MCTP1: variants seen among roughly 807,000 people sequenced by gnomAD.
MCTP1 encodes multiple C2 and transmembrane domain-containing protein 1.
Under a neutral mutation model 120.6 loss-of-function variants are expected in MCTP1, and 69 were observed. The observed-to-expected ratio is 0.57, with a 90% CI of 0.47 to 0.70. The LOEUF is 0.70. MCTP1 is among the 30% of genes least tolerant of loss of function. The probability of loss-of-function intolerance (pLI) is 0.00; values close to 1 mark genes in which losing one functional copy is unlikely to be tolerated. For synonymous variants in MCTP1, 529 were observed against 493.1 expected (o/e 1.07, Z -0.96); for missense variants, 1,203 against 1,248.8 (o/e 0.96, Z 0.55).
chr5:94,734,667 G>C (rs973640956), intron 19 of MCTP1, among the ~76,000 whole-genome samples: 1 of 152,184 alleles, frequency 6.6e-6, no homozygotes, highest in African/African-American at 2.4e-5. Flanking sequence ...ATTTTGTCCA[G>C]GTAGGTCTTA....
At chr5:94,763,812 G>T (rs1771906695) in intron 19 of MCTP1, among the ~76,000 whole-genome samples, 1 of 151,784 alleles carries the variant, frequency 6.6e-6, no homozygotes, top group African/African-American at 2.4e-5. Flanking sequence ...AACTTTGAAA[G>T]AAAAAAAATT....
chr5:94,979,728 A>T (rs1485825372), intron 2 of MCTP1: 2 of 152,116 alleles, frequency 1.3e-5, no homozygotes, highest in Non-Finnish European at 2.9e-5. Flanking sequence ...GATAGAAAAA[A>T]AACACTAGGG....
chr5:95,129,871 G>GA (rs1758913044), intron 1 of MCTP1, among the ~76,000 whole-genome samples: 1 of 152,106 alleles, frequency 6.6e-6, no homozygotes, highest in African/African-American at 2.4e-5. Context: ...GTGTTGGCCA[G>GA]ACTGGTCTCG....
At chr5:95,268,375 T>C (rs879209083) in intron 1 of MCTP1, among the ~76,000 whole-genome samples, 1 of 152,198 alleles carries the variant, frequency 6.6e-6, no homozygotes, top group Non-Finnish European at 1.5e-5. Flanking sequence ...GTTTATTATA[T>C]AGAACATTTT....
intron 1 of MCTP1, among the ~76,000 whole-genome samples, chr5:95,049,975 G>A (rs1484773702): frequency 2.0e-5 from 3 of 151,904 alleles, no homozygotes; most frequent in Admixed American, 2.0e-4. Flanking sequence ...TATCTCTTTA[G>A]GCCCTCAGGG....
intron 11 of MCTP1, among the ~76,000 whole-genome samples, chr5:94,894,418 C>G (rs544201581): frequency 6.6e-6 from 1 of 152,170 alleles, no homozygotes. Flanking sequence ...ATCTCAGAAT[C>G]CAGAATTTGC....
At chr5:94,848,947 GT>G (rs1306701838) in intron 17 of MCTP1, among the ~76,000 whole-genome samples, 1 of 151,742 alleles carries the variant, frequency 6.6e-6, no homozygotes, top group African/African-American at 2.4e-5. Flanking sequence ...TGTTGACATA[GT>G]TTTGATAAAA....
chr5:94,997,135 GC>G (rs1197408396), intron 2 of MCTP1, among the ~76,000 whole-genome samples: 7 of 152,104 alleles, frequency 4.6e-5, no homozygotes, highest in Admixed American at 4.6e-4. Context: ...TGTACTTCCT[GC>G]CCCCACACTT....
At chr5:94,842,519 A>C (rs1176564698) in intron 17 of MCTP1, among the ~76,000 whole-genome samples, 1 of 152,152 alleles carries the variant, frequency 6.6e-6, no homozygotes, top group African/African-American at 2.4e-5. Context: ...ATTTATTTAG[A>C]TTTTCAGCAA....
At chr5:94,787,391 G>C (rs1034208145) in intron 18 of MCTP1, among the ~76,000 whole-genome samples, 2 of 151,928 alleles carry the variant, frequency 1.3e-5, no homozygotes, top group African/African-American at 4.8e-5. Flanking sequence ...CATTGCAAGG[G>C]GACTATGGAT....
chr5:94,731,221 A>T (rs1334642726), intron 19 of MCTP1, among the ~76,000 whole-genome samples: 1 of 152,122 alleles, frequency 6.6e-6, no homozygotes, highest in Non-Finnish European at 1.5e-5. Context: ...TTTGGGTCTA[A>T]TAGGGGGAAT....
intron 17 of MCTP1, among the ~76,000 whole-genome samples, chr5:94,802,798 A>G (rs1195336586): frequency 6.6e-6 from 1 of 152,180 alleles, no homozygotes; most frequent in Admixed American, 6.5e-5. Flanking sequence ...ACAAAAATAA[A>G]CCATAAAATG....
intron 5 of MCTP1, among the ~76,000 whole-genome samples, 172 bp from the exon 6 acceptor site, chr5:94,932,163 T>C (rs1256711788): frequency 3.4e-5 from 5 of 149,038 alleles, no homozygotes; most frequent in Non-Finnish European, 4.5e-5. Context: ...GAAACAACTT[T>C]AACATTCCAG....
At chr5:95,107,173 A>G (rs2152382286) in intron 1 of MCTP1, among the ~76,000 whole-genome samples, 1 of 152,338 alleles carries the variant, frequency 6.6e-6, no homozygotes, top group East Asian at 1.9e-4. Context: ...ATAGTTTTGT[A>G]TTTTAAATAA....
chr5:94,742,196 GT>G (rs1765681995), intron 19 of MCTP1, among the ~76,000 whole-genome samples: 1 of 152,066 alleles, frequency 6.6e-6, no homozygotes, highest in African/African-American at 2.4e-5. Context: ...AAGAATGTAT[GT>G]TTTTAAATTT....
At chr5:94,875,341 C>T (rs1561787718) in intron 12 of MCTP1, among the ~76,000 whole-genome samples, 1 of 152,018 alleles carries the variant, frequency 6.6e-6, no homozygotes, top group African/African-American at 2.4e-5. Context: ...CAGGAATATC[C>T]AGGAAGCCGG....
At chr5:94,708,387 A>T (rs1755434208) in intron 22 of MCTP1, 125 bp downstream of exon 22, 1 of 594,588 alleles carries the variant, frequency 1.7e-6, no homozygotes, top group Non-Finnish European at 2.9e-6. Context: ...AAAATCTGCT[A>T]CACAGGCTTT....
intron 19 of MCTP1, among the ~76,000 whole-genome samples, chr5:94,744,789 T>C (rs1015754848): frequency 8.5e-5 from 13 of 152,226 alleles, no homozygotes; most frequent in African/African-American, 3.1e-4. Context: ...GGATTACAGG[T>C]GTGAGCCACC....
At chr5:94,774,758 C>T (rs1774926468) in intron 19 of MCTP1, among the ~76,000 whole-genome samples, 1 of 152,158 alleles carries the variant, frequency 6.6e-6, no homozygotes, top group African/African-American at 2.4e-5. Flanking sequence ...CAATGCTATT[C>T]CAGTTAAATG....
Sources: allele counts gnomAD v4.1 joint callset (sites outside exome capture counted in the v4.1 genomes callset), GRCh38; gene constraint gnomAD v4.1.1; transcripts MANE v1.5; gene names NCBI Gene and HGNC (gene_info 2026-07-23, HGNC 2026-07-21).